The following PRDM16 variants were observed in gnomAD, a reference collection of about 807,000 sequenced individuals.
The protein encoded by PRDM16 is PR/SET domain 16.
PRDM16 carries 23 observed loss-of-function variants against 110.6 expected under a neutral mutation model. The observed-to-expected ratio is 0.21, with a 90% CI of 0.15 to 0.29. The LOEUF (loss-of-function observed/expected upper bound fraction) is 0.29. Ranked by LOEUF, PRDM16 falls within the 10% of genes least tolerant of loss-of-function variation. The pLI is 1.00. For synonymous variants in PRDM16, 799 were observed against 781.8 expected, an observed-to-expected ratio of 1.02 and a Z score of -0.37; for missense variants, 1,615 against 1,794.3, an observed-to-expected ratio of 0.90 and a Z score of 1.81.
chr1:3,079,327 C>A (rs1319760426), intron 1 of PRDM16, among the ~76,000 whole-genome samples: 1 of 152,110 alleles, frequency 6.6e-6, no homozygotes, highest in East Asian at 1.9e-4. Context: ...CGCTGCCTGG[C>A]TGGCCCAGCC....
chr1:3,124,019 T>C (rs1643151628), intron 1 of PRDM16, among the ~76,000 whole-genome samples: 1 of 152,184 alleles, frequency 6.6e-6, no homozygotes, highest in African/African-American at 2.4e-5. Flanking sequence ...TCCCAGGCTT[T>C]GTGTGGAATG....
intron 3 of PRDM16, among the ~76,000 whole-genome samples, chr1:3,384,066 G>A (rs967677140): frequency 7.4e-5 from 11 of 148,790 alleles, no homozygotes; most frequent in South Asian, 2.2e-4. Flanking sequence ...TATGCCCACC[G>A]TGACCCACCT....
At chr1:3,324,440 G>A (rs1471666699) in intron 3 of PRDM16, among the ~76,000 whole-genome samples, 3 of 152,204 alleles carry the variant, frequency 2.0e-5, no homozygotes, top group South Asian at 2.1e-4. Flanking sequence ...GCTCCTGGCT[G>A]GGCTCAGGGT....
intron 3 of PRDM16, among the ~76,000 whole-genome samples, chr1:3,355,287 A>G (rs987479851): frequency 6.6e-6 from 1 of 152,126 alleles, no homozygotes; most frequent in Non-Finnish European, 1.5e-5. Context: ...ATCAGGTACA[A>G]AGTGAGAAGG....
intron 1 of PRDM16, among the ~76,000 whole-genome samples, chr1:3,147,216 T>G (rs943420356): frequency 6.6e-5 from 10 of 151,702 alleles, no homozygotes; most frequent in African/African-American, 1.7e-4. Context: ...CAGTGTGGGG[T>G]GTGTGTGCAC....
chr1:3,218,996 G>T (rs898604719), intron 2 of PRDM16, among the ~76,000 whole-genome samples: 1 of 152,254 alleles, frequency 6.6e-6, no homozygotes, highest in African/African-American at 2.4e-5. Flanking sequence ...CTCTCCCAAA[G>T]GAGGGGTCCT....
At chr1:3,114,593 C>T (rs1297348881) in intron 1 of PRDM16, among the ~76,000 whole-genome samples, 5 of 152,178 alleles carry the variant, frequency 3.3e-5, no homozygotes, top group East Asian at 1.9e-4. Flanking sequence ...CAAGAACACA[C>T]GTGCACATGC....
At chr1:3,393,230 G>T (rs1006917997) in intron 4 of PRDM16, among the ~76,000 whole-genome samples, 53 of 152,328 alleles carry the variant, frequency 3.5e-4, no homozygotes, top group Non-Finnish European at 4.4e-5. Context: ...TAGCGGAGGC[G>T]AGTGTTTATA....
At chr1:3,432,813 G>C (rs1210422018) in intron 16 of PRDM16, among the ~76,000 whole-genome samples, 1 of 152,174 alleles carries the variant, frequency 6.6e-6, no homozygotes, top group Non-Finnish European at 1.5e-5. Flanking sequence ...ACAGTGCTGG[G>C]CTTCCCCACC....
intron 1 of PRDM16, among the ~76,000 whole-genome samples, chr1:3,130,899 G>A (rs10909881): frequency 0.16 from 24,801 of 151,658 alleles, 2,641 homozygotes; most frequent in African/African-American, 0.3. Flanking sequence ...GGGCTAGAAC[G>A]CAGCCGCTTC....
chr1:3,404,706 C>T (rs759164195), intron 6 of PRDM16, 33 bp from the exon 7 acceptor site: 4 of 1,609,702 alleles, frequency 2.5e-6, no homozygotes, highest in Middle Eastern at 1.7e-4. Flanking sequence ...GGCAGGTAGT[C>T]GGGCCCCGCA....
At chr1:3,347,679 G>A (rs1355304192) in intron 3 of PRDM16, among the ~76,000 whole-genome samples, 1 of 152,200 alleles carries the variant, frequency 6.6e-6, no homozygotes, top group Non-Finnish European at 1.5e-5. Context: ...TCAGACTTCT[G>A]GGGTAGCAAA....
chr1:3,221,471 C>T (rs1639149006), intron 2 of PRDM16, among the ~76,000 whole-genome samples: 1 of 152,260 alleles, frequency 6.6e-6, no homozygotes, highest in Admixed American at 6.5e-5. Context: ...ACTGGGGAGA[C>T]TCTTTGTCCG....
intron 4 of PRDM16, among the ~76,000 whole-genome samples, chr1:3,395,604 C>T (rs1040390861): frequency 8.5e-5 from 13 of 152,320 alleles, no homozygotes; most frequent in African/African-American, 1.7e-4. Flanking sequence ...CAGACACTCC[C>T]GGACCGAAGA....
rs1409395116 is a variant in PRDM16 at position 3,359,350 on chromosome 1, C to T, written c.439-25802C>T. Among the ~76,000 whole-genome samples, 1 of 152,200 alleles carries T rather than the reference C, an allele frequency of 6.6e-6. No homozygotes were observed. Among genetic ancestry groups the T allele is most frequent in the East Asian group, 1.9e-4 (1 of 5,192 alleles). ...GGATGTCAATGTCCATGAAAACAGC[C>T]TCAGAACTATCAGGGTCTCCCTTCC... On this transcript the variant is annotated intron_variant, in intron 3 of 16. Transcript: ENST00000270722. The surrounding 1 kb of genome is among the most constrained non-coding windows in gnomAD (Gnocchi z 4.3).
At chr1:3,284,346 G>T (rs988713868) in intron 3 of PRDM16, among the ~76,000 whole-genome samples, 1 of 152,222 alleles carries the variant, frequency 6.6e-6, no homozygotes, top group Non-Finnish European at 1.5e-5. Flanking sequence ...TTTTTAAAGT[G>T]TTAAGATGGC....
chr1:3,412,673 C>G lies in PRDM16; in HGVS notation c.2476C>G (p.His826Asp). ...NGGGREPRKNHVYGERKLGAG... is the reference protein window; with the variant it reads ...NGGGREPRKNDVYGERKLGAG... ...CGGCGGGCGGGAGCCCCGCAAGAAC[C>G]ACGTCTATGGGGAACGCAAGCTGGG... Residue 826 changes from histidine (H) to aspartate (D), a missense_variant, in exon 9 of 17, where the codon CAC (histidine) becomes GAC (aspartate). Physicochemically the swap from His to Asp is moderately conservative, Grantham distance 81. Around this residue, in one of 5 missense-constraint regions of PRDM16, gnomAD observed 772 missense variants for 748.3 expected, o/e 1.03. Transcript: ENST00000270722. 6.6e-7 allele frequency: 1 copy of G among 1,518,234 alleles called. No homozygotes were observed. The highest frequency in any genetic ancestry group is 8.8e-7 in the Non-Finnish European group (1 of 1,133,108). 94.0% of individuals were successfully genotyped at this position (1,518,234 alleles called of 1,614,324 possible).
chr1:3,411,578 C>T lies in PRDM16; in HGVS notation c.1381C>T (p.Leu461=). ...YTPGGIFAPG[L]PLTPSPMMDK... ...GCCGGGCGGCATCTTTGCCCCGGGC[C>T]TGCCCTTGACCCCCAGCCCCATGAT... The change falls in exon 9 of 17, where the codon CTG becomes TTG. Residue 461 remains leucine (L), a synonymous_variant. Coordinates refer to ENST00000270722, the MANE Select transcript of PRDM16 (RefSeq NM_022114.4). 6.2e-7 allele frequency: 1 copy of T among 1,614,094 alleles called. No individual in the cohort carries two copies. Among genetic ancestry groups the T allele is most frequent in the Admixed American group, 1.7e-5 (1 of 60,032 alleles).
Position 3,431,023 on chromosome 1 carries a change from G to A in PRDM16, c.3436G>A (p.Ala1146Thr), listed in dbSNP as rs377255144. Residue 1146 changes from alanine to threonine, a missense_variant, in exon 15 of 17, where the codon GCA becomes ACA. Physicochemically the swap from Ala to Thr is moderately conservative, Grantham distance 58. This residue lies in a region of PRDM16 where 327 missense variants were observed against 359.3 expected (regional missense o/e 0.91). Transcript: ENST00000270722. ...GTCGCAGGATGACACCGTGTCCCCC[G>A]CACCCGAGCCCCAGGCCGCCTACGA... ...GKSQDDTVSP[A>T]PEPQAAYEDE... 7.0e-5 allele frequency: 110 copies of A among 1,573,166 alleles called. No homozygotes were observed. Among genetic ancestry groups the A allele is most frequent in the Non-Finnish European group, 9.0e-5 (104 of 1,159,408 alleles).
Sources: gnomAD v4.1 joint callset for allele counts (sites outside exome capture counted in the v4.1 genomes callset) on GRCh38, gnomAD v4.1.1 for gene constraint, gnomAD v4.1.1 regional missense constraint, Gnocchi (gnomAD v3.1) non-coding constraint, MANE v1.5 for transcripts, NCBI Gene and HGNC (gene_info 2026-07-23, HGNC 2026-07-21) for gene names.